Variants in GNAQ observed in about 807,000 individuals in gnomAD.
The protein encoded by GNAQ is guanine nucleotide-binding protein G(q) subunit alpha.
Under a neutral mutation model 43.9 loss-of-function variants are expected in GNAQ, and 8 were observed. The observed-to-expected ratio is 0.18, with a 90% CI of 0.11 to 0.33. The LOEUF (loss-of-function observed/expected upper bound fraction) is 0.33, where lower values mean the gene tolerates loss of function less well. Ranked by LOEUF, GNAQ falls within the 10% of genes least tolerant of loss-of-function variation. The pLI, the probability that GNAQ is intolerant of heterozygous loss-of-function variation, is 1.00. For missense variants in GNAQ, 158 were observed against 450.8 expected, an observed-to-expected ratio of 0.35 and a Z score of 5.88; for synonymous variants, 155 against 170.7, an observed-to-expected ratio of 0.91 and a Z score of 0.71.
chr9:78,000,834 A>C (rs1354410855), intron 1 of GNAQ, among the ~76,000 whole-genome samples: 1 of 152,146 alleles, frequency 6.6e-6, no homozygotes, highest in African/African-American at 2.4e-5. Flanking sequence ...ACATCCAAAA[A>C]CCCTCACAGA....
At chr9:77,890,329 T>C (rs1054898156) in intron 2 of GNAQ, among the ~76,000 whole-genome samples, 1 of 152,234 alleles carries the variant, frequency 6.6e-6, no homozygotes, top group Non-Finnish European at 1.5e-5. Context: ...ACTTAAGCTA[T>C]GCCTAAGAAA....
chr9:77,995,165 G>C (rs1023717916), intron 1 of GNAQ, among the ~76,000 whole-genome samples: 6 of 152,140 alleles, frequency 3.9e-5, no homozygotes, highest in African/African-American at 1.4e-4. Context: ...GTATGAGATA[G>C]CACTATTATT....
intron 1 of GNAQ, among the ~76,000 whole-genome samples, chr9:78,020,845 A>T (rs1383849477): frequency 1.3e-5 from 2 of 152,144 alleles, no homozygotes; most frequent in Non-Finnish European, 2.9e-5. Context: ...AAGGTAAGGA[A>T]GCCCAACGCT....
intron 1 of GNAQ, among the ~76,000 whole-genome samples, chr9:78,025,417 T>C (rs900451604): frequency 6.6e-6 from 1 of 152,172 alleles, no homozygotes; most frequent in Admixed American, 6.5e-5. Context: ...CTGTAGTCAG[T>C]TATTGCCACA....
intron 2 of GNAQ, among the ~76,000 whole-genome samples, chr9:77,919,205 T>C: frequency 6.6e-6 from 1 of 152,002 alleles, no homozygotes; most frequent in Non-Finnish European, 1.5e-5. Context: ...CAGGTATGAG[T>C]CACCATACCT....
At chr9:78,011,723 T>C (rs1027751447) in intron 1 of GNAQ, among the ~76,000 whole-genome samples, 6 of 152,142 alleles carry the variant, frequency 3.9e-5, no homozygotes, top group African/African-American at 1.4e-4. Context: ...TTCAAAACAG[T>C]GCCAAATCAG....
chr9:77,760,798 TGAG>T (rs1325283509), intron 5 of GNAQ, among the ~76,000 whole-genome samples: 5 of 149,838 alleles, frequency 3.3e-5, no homozygotes, highest in Non-Finnish European at 5.9e-5. Flanking sequence ...ATCTAGGAAG[TGAG>T]GAGCGTCTCT....
chr9:77,978,665 T>C lies in GNAQ; in HGVS notation c.136+52435A>G, dbSNP rs572520447. 7.2e-5 allele frequency among the ~76,000 whole-genome samples: 11 copies of C among 152,334 alleles called. No homozygotes were observed. In the East Asian group the frequency reaches 1.5e-3, roughly 21 times the overall value. On this transcript the variant is annotated intron_variant, in intron 1 of 6. Transcript: ENST00000286548. ...AATGCTCAACTCCTAGAAAAGGAAATAGAACCCTTTATCAGTGAACCTGAG... is the reference window on the plus strand; with the variant it reads ...AATGCTCAACTCCTAGAAAAGGAAACAGAACCCTTTATCAGTGAACCTGAG...
At chr9:77,849,057 A>G (rs780322201) in intron 2 of GNAQ, among the ~76,000 whole-genome samples, 8 of 152,164 alleles carry the variant, frequency 5.3e-5, no homozygotes, top group Non-Finnish European at 1.0e-4. Context: ...CTCAGTGACA[A>G]CATCCTCAGC....
intron 1 of GNAQ, among the ~76,000 whole-genome samples, chr9:77,976,898 A>G (rs952643007): frequency 1.3e-5 from 2 of 152,210 alleles, no homozygotes; most frequent in Non-Finnish European, 2.9e-5. Context: ...TTAGTTGGCC[A>G]GAGGTCCCAC....
At chr9:77,837,376 A>T (rs1564126049) in intron 2 of GNAQ, among the ~76,000 whole-genome samples, 1 of 151,842 alleles carries the variant, frequency 6.6e-6, no homozygotes, top group Non-Finnish European at 1.5e-5. Context: ...ACATGGTGAG[A>T]CCCCCGTCTC....
chr9:77,939,284 T>C (rs1430945251), intron 1 of GNAQ, among the ~76,000 whole-genome samples: 1 of 152,124 alleles, frequency 6.6e-6, no homozygotes. Context: ...AAAAGTAAAT[T>C]TCCAAATTCT....
chr9:77,914,362 A>G (rs1158416971), intron 2 of GNAQ, among the ~76,000 whole-genome samples: 1 of 152,196 alleles, frequency 6.6e-6, no homozygotes, highest in African/African-American at 2.4e-5. Context: ...AGATTCCTTT[A>G]GACTATTAAA....
At chr9:77,879,462 T>C (rs573189745) in intron 2 of GNAQ, among the ~76,000 whole-genome samples, 2 of 152,210 alleles carry the variant, frequency 1.3e-5, no homozygotes, top group Admixed American at 1.3e-4. Flanking sequence ...TTTCACCACG[T>C]TGGCCTCAAA....
chr9:77,898,151 T>C (rs1472278724), intron 2 of GNAQ, among the ~76,000 whole-genome samples: 1 of 152,150 alleles, frequency 6.6e-6, no homozygotes, highest in Non-Finnish European at 1.5e-5. Context: ...ATCCAGGCTC[T>C]TCTCCCTCTT....
intron 5 of GNAQ, among the ~76,000 whole-genome samples, chr9:77,788,716 T>C (rs566207057): frequency 9.8e-5 from 15 of 152,346 alleles, no homozygotes; most frequent in African/African-American, 2.9e-4. Context: ...GAAATAGAAG[T>C]AAACAAAACC....
chr9:77,904,110 T>C (rs761044579), intron 2 of GNAQ, among the ~76,000 whole-genome samples: 1 of 152,152 alleles, frequency 6.6e-6, no homozygotes, highest in Non-Finnish European at 1.5e-5. Flanking sequence ...CCCTTTTGCC[T>C]GGTAGGCTGA....
At chr9:77,932,060 A>C (rs1829160772) in intron 1 of GNAQ, among the ~76,000 whole-genome samples, 1 of 152,212 alleles carries the variant, frequency 6.6e-6, no homozygotes, top group Non-Finnish European at 1.5e-5. Context: ...AATAAAATAA[A>C]GACAGGATCA....
At position 77,858,107 on chromosome 9, in the gene GNAQ, G is replaced by A. The variant is rs148532366; in HGVS notation, c.322-42337C>T. ...CAATCTCCCCTTCCTGCTTTCCACA[G>A]CAGCTCTCTCTGCTCACCCCAACCC... On this transcript the variant is annotated intron_variant, in intron 2 of 6. Transcript: ENST00000286548. Among the ~76,000 whole-genome samples, 23 of 152,176 alleles carry A rather than the reference G, an allele frequency of 1.5e-4. No homozygotes were observed. In the East Asian group the frequency reaches 3.7e-3, roughly 24 times the overall value.
Sources: gnomAD v4.1 joint callset for allele counts (sites outside exome capture counted in the v4.1 genomes callset) on GRCh38, gnomAD v4.1.1 for gene constraint, MANE v1.5 for transcripts, NCBI Gene and HGNC (gene_info 2026-07-23, HGNC 2026-07-21) for gene names.